The following PPP2R2B variants were observed in gnomAD, a reference collection of about 807,000 sequenced individuals.
PPP2R2B encodes protein phosphatase 2 regulatory subunit Bbeta.
Under a neutral mutation model 46.0 loss-of-function variants are expected in PPP2R2B, and 5 were observed. That is an observed-to-expected ratio of 0.11 (90% CI 0.06 to 0.23). The LOEUF is 0.23. PPP2R2B is among the 10% of genes least tolerant of loss of function. PPP2R2B has a pLI of 1.00. For missense variants in PPP2R2B, 367 were observed against 575.0 expected (o/e 0.64, Z 3.70); for synonymous variants, 215 against 206.7 (o/e 1.04, Z -0.34).
At chr5:147,044,323 C>T (rs1285627142) in intron 1 of PPP2R2B, among the ~76,000 whole-genome samples, 4 of 152,094 alleles carry the variant, frequency 2.6e-5, no homozygotes. Context: ...AGCAATCTCT[C>T]TGTTGCTATC....
intron 2 of PPP2R2B, among the ~76,000 whole-genome samples, chr5:146,788,746 C>G (rs535067974): frequency 1.4e-3 from 219 of 152,154 alleles, no homozygotes; most frequent in African/African-American, 5.0e-3. Flanking sequence ...AACACAACAA[C>G]AAAAATTATG....
chr5:146,762,149 C>G (rs1754204827), intron 2 of PPP2R2B, among the ~76,000 whole-genome samples: 1 of 152,120 alleles, frequency 6.6e-6, no homozygotes, highest in Non-Finnish European at 1.5e-5. Context: ...TGGTAGAATT[C>G]CTTTAATGGA....
At chr5:146,965,596 C>A (rs1451201488) in intron 1 of PPP2R2B, among the ~76,000 whole-genome samples, 1 of 152,180 alleles carries the variant, frequency 6.6e-6, no homozygotes, top group Non-Finnish European at 1.5e-5. Context: ...CCTGCCCTGT[C>A]CTGAGGTATC....
rs72825256 is a variant in PPP2R2B, at chr5:146,931,580, T to C, written c.79+124085A>G. Among the ~76,000 whole-genome samples the C allele has an allele frequency of 1.5e-3, 227 of 152,298 alleles. 4 individuals are homozygous for C. The South Asian group carries it at 0.03, about 20-fold the overall frequency. On this transcript the variant is annotated intron_variant, in intron 1 of 8. Coordinates refer to the PPP2R2B transcript ENST00000336640. ...CCTTCTTGGCTTTTGAGGCATTTCATTATTCCTAGCAACTCTAGTCGAGGG... is the reference window on the plus strand; with the variant it reads ...CCTTCTTGGCTTTTGAGGCATTTCACTATTCCTAGCAACTCTAGTCGAGGG...
chr5:146,977,471 A>T (rs938654820), intron 1 of PPP2R2B, among the ~76,000 whole-genome samples: 1 of 151,946 alleles, frequency 6.6e-6, no homozygotes, highest in East Asian at 1.9e-4. Context: ...GGTTTGTTGC[A>T]CCCATCAACC....
At chr5:146,651,083 A>T (rs1775925613) in intron 5 of PPP2R2B, among the ~76,000 whole-genome samples, 1 of 152,146 alleles carries the variant, frequency 6.6e-6, no homozygotes, top group South Asian at 2.1e-4. Flanking sequence ...AAATCTATTT[A>T]AAAAAGGGAG....
chr5:146,911,038 T>C (rs561166363), intron 1 of PPP2R2B, among the ~76,000 whole-genome samples: 11 of 152,048 alleles, frequency 7.2e-5, no homozygotes, highest in African/African-American at 2.7e-4. Context: ...ATATCATAGT[T>C]CAATCATCAT....
intron 1 of PPP2R2B, among the ~76,000 whole-genome samples, chr5:146,968,464 G>T (rs776969853): frequency 6.6e-6 from 1 of 152,096 alleles, no homozygotes; most frequent in African/African-American, 2.4e-5. Flanking sequence ...GCTATGTGTC[G>T]GGCTAACATG....
At chr5:146,697,930 A>T in intron 4 of PPP2R2B, 49 bp downstream of exon 4, 1 of 1,536,558 alleles carries the variant, frequency 6.5e-7, no homozygotes, top group Middle Eastern at 1.7e-4. Flanking sequence ...TGAAGTATAT[A>T]GTTTGGCCGA....
At chr5:146,984,037 A>T (rs547559382) in intron 1 of PPP2R2B, among the ~76,000 whole-genome samples, 1 of 152,354 alleles carries the variant, frequency 6.6e-6, no homozygotes, top group South Asian at 2.1e-4. Context: ...AGAACAATTA[A>T]ATCAAATTAG....
In PPP2R2B at chr5:147,079,445, C is replaced by CATATATATATATAT. The variant is rs58393815; in HGVS notation, c.50+1600_50+1613dup. 4.6e-3 allele frequency among the ~76,000 whole-genome samples: 602 copies of CATATATATATATAT among 132,266 alleles called. 3 individuals carry two copies. The highest frequency in any genetic ancestry group is 7.2e-3 in the Non-Finnish European group (458 of 63,232). 86.8% of individuals were successfully genotyped at this position (132,266 alleles called of 152,430 possible). ...AACACACACACATTTTATATATATA[C>CATATATATATATAT]ATATATATATATATATATATATATA... On this transcript the variant is annotated intron_variant, in intron 2 of 10. Transcript: ENST00000394413.
intron 1 of PPP2R2B, among the ~76,000 whole-genome samples, chr5:147,027,000 C>T (rs1191159556): frequency 4.6e-5 from 7 of 152,100 alleles, no homozygotes; most frequent in Non-Finnish European, 1.0e-4. Context: ...TTCCCGGTAG[C>T]TTTTTTCATA....
At chr5:146,632,857 T>C (rs322495) in intron 7 of PPP2R2B, among the ~76,000 whole-genome samples, 20,222 of 151,902 alleles carry the variant, frequency 0.13, 2,628 homozygotes, top group African/African-American at 0.33. Flanking sequence ...ATTGGAGGTG[T>C]AGGAAGCAAG....
At position 146,919,933 on chromosome 5, in the gene PPP2R2B, T is replaced by C. The variant is rs1353421531; in HGVS notation, c.79+135732A>G. ...TTGCGTATCATGGCAGCCACTGATA[T>C]AGCTCTGCCTCTTAATAGTTGTGTA... On this transcript the variant is annotated intron_variant, in intron 1 of 8. Transcript: ENST00000336640. 2.0e-5 allele frequency: 3 copies of C among 151,760 alleles called. No individual in the cohort carries two copies. In the East Asian group the frequency reaches 5.8e-4, roughly 30 times the overall value. 9.4% of individuals were successfully genotyped at this position (151,760 alleles called of 1,614,324 possible). A position where few individuals can be genotyped will look rare whatever the true frequency, so the allele number is the denominator to read the frequency against.
chr5:146,742,431 T>C (rs73793241), intron 2 of PPP2R2B, among the ~76,000 whole-genome samples: 6,258 of 152,248 alleles, frequency 0.041, 124 homozygotes, highest in Non-Finnish European at 0.048. Context: ...TGGATCCTTT[T>C]ACCTGAAACA....
intron 2 of PPP2R2B, among the ~76,000 whole-genome samples, chr5:146,741,557 T>C (rs1024906157): frequency 1.3e-5 from 2 of 152,004 alleles, no homozygotes; most frequent in East Asian, 1.9e-4. Flanking sequence ...ACAGGGCAAA[T>C]GGGAATCCAT....
chr5:146,901,644 C>A (rs1259088782), intron 1 of PPP2R2B, among the ~76,000 whole-genome samples: 1 of 152,028 alleles, frequency 6.6e-6, no homozygotes, highest in Non-Finnish European at 1.5e-5. Flanking sequence ...AACACAAATT[C>A]CCTATCCTCA....
At chr5:146,600,741 C>G (rs1771702216) in intron 7 of PPP2R2B, among the ~76,000 whole-genome samples, 1 of 152,126 alleles carries the variant, frequency 6.6e-6, no homozygotes, top group African/African-American at 2.4e-5. Context: ...TTCTGTTTCC[C>G]TTGGTATCTG....
At chr5:146,719,724 G>T (rs1367452495) in intron 2 of PPP2R2B, among the ~76,000 whole-genome samples, 1 of 152,052 alleles carries the variant, frequency 6.6e-6, no homozygotes, top group Admixed American at 6.6e-5. Flanking sequence ...CTGACAAGCA[G>T]ATTTATTTTA....
Sources: allele counts gnomAD v4.1 joint callset (sites outside exome capture counted in the v4.1 genomes callset), GRCh38; gene constraint gnomAD v4.1.1; transcripts MANE v1.5; gene names NCBI Gene and HGNC (gene_info 2026-07-23, HGNC 2026-07-21).